ADAMTS5: variants seen among roughly 807,000 people sequenced by gnomAD.
ADAMTS5 encodes A disintegrin and metalloproteinase with thrombospondin motifs 5.
ADAMTS5 carries 54 observed loss-of-function variants against 81.4 expected under a neutral mutation model. That is an observed-to-expected ratio of 0.66 (90% CI 0.53 to 0.83). The LOEUF is 0.83. ADAMTS5 is among the 40% of genes least tolerant of loss of function. The pLI is 0.00. For missense variants in ADAMTS5, 1,194 were observed against 1,229.9 expected (o/e 0.97, Z 0.44); for synonymous variants, 532 against 508.8 (o/e 1.05, Z -0.61).
rs952596481 is a variant in ADAMTS5, at chr21:26,918,555, C to T, written c.*5498G>A. On this transcript the variant is annotated 3_prime_UTR_variant, in exon 8 of 8. Transcript: ENST00000284987. ...AATACGTAAGTAGTGTTTTTCAACT[C>T]GTAATTGTAGCAAGATGAGCCATCA... 5 of 151,890 alleles carry T rather than the reference C, an allele frequency of 3.3e-5. No individual in the cohort carries two copies. Among genetic ancestry groups the T allele is most frequent in the African/African-American group, 7.3e-5 (3 of 41,372 alleles). 9.4% of individuals were successfully genotyped at this position (151,890 alleles called of 1,614,324 possible). A position where few individuals can be genotyped will look rare whatever the true frequency, so the allele number is the denominator to read the frequency against.
intron 3 of ADAMTS5, among the ~76,000 whole-genome samples, chr21:26,936,236 T>A (rs1256373667): frequency 1.3e-5 from 2 of 152,362 alleles, no homozygotes; most frequent in East Asian, 3.9e-4. Context: ...TCTGGTGAAA[T>A]ACTAAATGGT....
At chr21:26,931,404 C>G (rs773638306) in intron 6 of ADAMTS5, among the ~76,000 whole-genome samples, 3 of 152,062 alleles carry the variant, frequency 2.0e-5, no homozygotes, top group Non-Finnish European at 4.4e-5. Context: ...ATAACACTGA[C>G]CATAAGAATA....
At chr21:26,943,653 G>A in intron 2 of ADAMTS5, 106 bp from the exon 3 acceptor site, 1 of 1,063,570 alleles carries the variant, frequency 9.4e-7, no homozygotes, top group Non-Finnish European at 1.3e-6. Context: ...TTGTAGATGA[G>A]TTCACTTTAA....
In ADAMTS5 at chr21:26,938,727, G is replaced by A. The variant is rs576879603; in HGVS notation, c.1406-3978C>T. ...GTATTTTTAGTAGAGACTATGTTTC[G>A]CCGTGTTGGCCAGGCTGGTTTCAAA... On this transcript the variant is annotated intron_variant, in intron 3 of 7. Coordinates refer to ENST00000284987, the MANE Select transcript of ADAMTS5 (RefSeq NM_007038.5). Among the ~76,000 whole-genome samples, 53 of 152,130 alleles carry A rather than the reference G, an allele frequency of 3.5e-4. No individual in the cohort carries two copies. The South Asian group carries it at 8.9e-3, about 26-fold the overall frequency.
Position 26,930,048 on chromosome 21 carries a change from G to C in ADAMTS5, c.2063C>G (p.Thr688Ser). Residue 688 changes from threonine (T) to serine (S), a missense_variant, in exon 7 of 8, where the codon ACT (threonine) becomes AGT (serine). Thr to Ser is a moderately conservative substitution (Grantham distance 58, BLOSUM62 1). This residue lies in a region of ADAMTS5 where 696 missense variants were observed against 817.6 expected (regional missense o/e 0.85). Coordinates refer to ENST00000284987, the MANE Select transcript of ADAMTS5 (RefSeq NM_007038.5). ...GGAATTACTGTACAGCCTACATTCA[G>C]TGCCATCGGTCACCTGAATCATGGC... ...VVFSPKVTDG[T>S]ECRLYSNSVC... The C allele has an allele frequency of 6.2e-7, 1 of 1,613,862 alleles. No homozygotes were observed. Among genetic ancestry groups the C allele is most frequent in the Non-Finnish European group, 8.5e-7 (1 of 1,179,872 alleles).
At chr21:26,949,434 G>A (rs1049272019) in intron 2 of ADAMTS5, among the ~76,000 whole-genome samples, 3 of 151,942 alleles carry the variant, frequency 2.0e-5, no homozygotes, top group Non-Finnish European at 4.4e-5. Flanking sequence ...GCCAGGGCTT[G>A]TCTCAAACTG....
intron 2 of ADAMTS5, chr21:26,953,844 T>A (rs1302764746): frequency 1.3e-5 from 2 of 153,832 alleles, no homozygotes; most frequent in Non-Finnish European, 2.9e-5. Flanking sequence ...CCCAAAATAA[T>A]TCCCTGAAAT....
At chr21:26,948,853 T>C (rs1246839887) in intron 2 of ADAMTS5, among the ~76,000 whole-genome samples, 1 of 152,136 alleles carries the variant, frequency 6.6e-6, no homozygotes, top group Non-Finnish European at 1.5e-5. Context: ...TGGAGCCAGA[T>C]GGATTGGGTT....
At chr21:26,949,737 C>G (rs993273834) in intron 2 of ADAMTS5, among the ~76,000 whole-genome samples, 52 of 152,122 alleles carry the variant, frequency 3.4e-4, no homozygotes, top group African/African-American at 1.2e-3. Context: ...AACTTATTCC[C>G]ACATTTTATT....
rs1987693982 is a variant in ADAMTS5, at chr21:26,966,764, A to G, written c.-373T>C. Among the ~76,000 whole-genome samples the G allele has an allele frequency of 6.6e-6, 1 of 152,086 alleles. No individual in the cohort carries two copies. The highest frequency in any genetic ancestry group is 1.5e-5 in the Non-Finnish European group (1 of 68,020). ...GCACGATCGCTGTTTCAAGAAAAGT[A>G]AGGAAAGGTACCGCGCACCGGGCTG... On this transcript the variant is annotated 5_prime_UTR_variant, in exon 1 of 8. Coordinates refer to ENST00000284987, the MANE Select transcript of ADAMTS5 (RefSeq NM_007038.5).
rs770188502 is a variant in ADAMTS5 at position 26,932,840 on chromosome 21, TGAC to T, written c.1873+18_1873+20del. On this transcript the variant is annotated intron_variant, in intron 5 of 7. Coordinates refer to ENST00000284987, the MANE Select transcript of ADAMTS5 (RefSeq NM_007038.5). ...ATGACATGTAGCATATGATGGTTGC[TGAC>T]ACTTGGGAGCAGCGTACCATTGGGT... 3.6e-5 allele frequency: 57 copies of T among 1,585,740 alleles called. No individual in the cohort carries two copies. Among genetic ancestry groups the T allele is most frequent in the Non-Finnish European group, 1.7e-6 (2 of 1,169,258 alleles).
chr21:26,946,043 G>A (rs545123771), intron 2 of ADAMTS5, among the ~76,000 whole-genome samples: 1 of 152,296 alleles, frequency 6.6e-6, no homozygotes, highest in South Asian at 2.1e-4. Flanking sequence ...CAAGGGCAGC[G>A]AGAGTCCTGG....
intron 2 of ADAMTS5, among the ~76,000 whole-genome samples, chr21:26,950,883 G>T (rs1474689224): frequency 6.6e-6 from 1 of 151,886 alleles, no homozygotes. Flanking sequence ...TAGGTGGGGG[G>T]CTCACTCTGT....
chr21:26,939,086 A>G (rs1987068296), intron 3 of ADAMTS5, among the ~76,000 whole-genome samples: 1 of 152,116 alleles, frequency 6.6e-6, no homozygotes, highest in Non-Finnish European at 1.5e-5. Flanking sequence ...TCTTTACTTG[A>G]ATGTCTAATG....
chr21:26,943,897 T>C (rs1250217923), intron 2 of ADAMTS5, among the ~76,000 whole-genome samples: 1 of 152,198 alleles, frequency 6.6e-6, no homozygotes, highest in African/African-American at 2.4e-5. Context: ...ACGTATCATT[T>C]TGATTGTCTA....
At chr21:26,952,923 C>T (rs899304246) in intron 2 of ADAMTS5, among the ~76,000 whole-genome samples, 1 of 152,320 alleles carries the variant, frequency 6.6e-6, no homozygotes, top group African/African-American at 2.4e-5. Context: ...CGGTGCAGAT[C>T]GGAATGTTGC....
intron 1 of ADAMTS5, among the ~76,000 whole-genome samples, chr21:26,957,281 T>C (rs1333041262): frequency 6.6e-6 from 1 of 152,360 alleles, no homozygotes; most frequent in South Asian, 2.1e-4. Flanking sequence ...TAGAATACTT[T>C]CTTAAATTCT....
In ADAMTS5 at chr21:26,943,423, T is replaced by C; in HGVS notation, c.1362A>G (p.Lys454=). Residue 454 remains lysine, a synonymous_variant, in exon 3 of 8, where the codon AAA becomes AAG. Transcript: ENST00000284987. ...ATTCTGTGATGGTGGCTGAAGTGCA[T>C]TTGGACCAGGGCTTAGATGCATCAA... The part of the protein sequence containing the change: ...TSIDASKPWS[K]CTSATITEFL... 8.1e-6 allele frequency: 13 copies of C among 1,613,554 alleles called. No individual in the cohort carries two copies. The highest frequency in any genetic ancestry group is 1.1e-5 in the Non-Finnish European group (13 of 1,179,680).
In ADAMTS5 at chr21:26,932,706, A is replaced by AAAAAC. The variant is rs71331598; in HGVS notation, c.1873+154_1873+155insGTTTT. 6.8e-3 allele frequency among the ~76,000 whole-genome samples: 1,024 copies of AAAAAC among 151,350 alleles called. 30 individuals carry two copies. Among genetic ancestry groups the AAAAAC allele is most frequent in the South Asian group, 0.047 (225 of 4,770 alleles). On this transcript the variant is annotated intron_variant, in intron 5 of 7. Coordinates refer to ENST00000284987, the MANE Select transcript of ADAMTS5 (RefSeq NM_007038.5). ...ACAGTGTGAGACTCCATCTCAAAAA[A>AAAAAC]AAACAAACACATAGGTGTTTGTTAT...
Sources: allele counts gnomAD v4.1 joint callset (sites outside exome capture counted in the v4.1 genomes callset), GRCh38; gene constraint gnomAD v4.1.1; regional missense constraint gnomAD v4.1.1; transcripts MANE v1.5; gene names NCBI Gene and HGNC (gene_info 2026-07-23, HGNC 2026-07-21).